The following PID1 variants were observed in gnomAD, a reference collection of about 807,000 sequenced individuals.
PID1 encodes the protein phosphotyrosine interaction domain containing 1.
In PID1, 10 loss-of-function variants were observed where a neutral mutation model predicts 19.1. The observed-to-expected ratio is 0.52, with a 90% CI of 0.32 to 0.89. The LOEUF (loss-of-function observed/expected upper bound fraction) is 0.89. Among genes scored for constraint, PID1 ranks in the 40% least tolerant of loss-of-function variants. The pLI is 0.03. For missense variants in PID1, 248 were observed against 285.3 expected, an observed-to-expected ratio of 0.87 and a Z score of 0.94; for synonymous variants, 130 against 116.0, an observed-to-expected ratio of 1.12 and a Z score of -0.78.
At chr2:229,186,772 T>G (rs1355229615) in intron 1 of PID1, among the ~76,000 whole-genome samples, 1 of 152,240 alleles carries the variant, frequency 6.6e-6, no homozygotes, top group African/African-American at 2.4e-5. Context: ...TCATTACTTA[T>G]GCAAATTTCT....
In PID1 at chr2:229,176,663, T is replaced by C. The variant is rs902335730; in HGVS notation, c.31-20699A>G. Among the ~76,000 whole-genome samples, 8 of 152,346 alleles carry C rather than the reference T, an allele frequency of 5.3e-5. No individual in the cohort carries two copies. The South Asian group carries it at 1.7e-3, about 32-fold the overall frequency. On this transcript the variant is annotated intron_variant, in intron 1 of 2. Transcript: ENST00000392055. ...CCTTATCATGAAAAAGAAGACGGCA[T>C]TGTATAAGCCCTATGCTCCCAAATA...
intron 1 of PID1, among the ~76,000 whole-genome samples, chr2:229,231,033 T>C (rs1371960169): frequency 6.6e-6 from 1 of 152,106 alleles, no homozygotes; most frequent in Non-Finnish European, 1.5e-5. Flanking sequence ...TGTCCAGCCA[T>C]GAAGCAACCA....
chr2:229,044,693 T>C (rs1693838962), intron 2 of PID1, among the ~76,000 whole-genome samples: 2 of 152,270 alleles, frequency 1.3e-5, no homozygotes, highest in African/African-American at 4.8e-5. Flanking sequence ...CTCTGCCCCT[T>C]GGACTCAGGA....
At chr2:229,200,287 C>A (rs1691470884) in intron 1 of PID1, among the ~76,000 whole-genome samples, 2 of 152,002 alleles carry the variant, frequency 1.3e-5, no homozygotes, top group South Asian at 4.1e-4. Context: ...CCTCTCTATT[C>A]TTCAGAGGAG....
chr2:229,166,890 A>G (rs1690608073), intron 1 of PID1, among the ~76,000 whole-genome samples: 1 of 152,018 alleles, frequency 6.6e-6, no homozygotes. Context: ...TTCAGTAACA[A>G]TAAATAATGG....
chr2:229,178,468 GA>G (rs1339938500), intron 1 of PID1, among the ~76,000 whole-genome samples: 4 of 151,912 alleles, frequency 2.6e-5, no homozygotes, highest in Non-Finnish European at 5.9e-5. Context: ...TTTTTTTTAA[GA>G]AAAAGAAAAT....
At chr2:229,264,185 A>T (rs549611988) in intron 1 of PID1, among the ~76,000 whole-genome samples, 4 of 152,298 alleles carry the variant, frequency 2.6e-5, no homozygotes, top group African/African-American at 9.6e-5. Flanking sequence ...TTGGGAGCAA[A>T]CATGCATTTG....
intron 2 of PID1, among the ~76,000 whole-genome samples, chr2:229,036,431 C>A (rs1241048049): frequency 6.6e-6 from 1 of 152,116 alleles, no homozygotes; most frequent in Non-Finnish European, 1.5e-5. Context: ...TGTCTTTTGG[C>A]AGATCTACTT....
chr2:229,047,123 C>T (rs998979571), intron 2 of PID1, among the ~76,000 whole-genome samples: 6 of 152,206 alleles, frequency 3.9e-5, no homozygotes, highest in African/African-American at 9.7e-5. Flanking sequence ...TCCTGTCTGC[C>T]GCTGCTCATG....
chr2:229,106,983 G>A (rs1425732399), intron 2 of PID1, among the ~76,000 whole-genome samples: 1 of 152,068 alleles, frequency 6.6e-6, no homozygotes, highest in Non-Finnish European at 1.5e-5. Context: ...CCTGGATTTA[G>A]GGTGGCTTCT....
At chr2:229,052,548 CT>C (rs11287338) in intron 2 of PID1, among the ~76,000 whole-genome samples, 78,956 of 150,422 alleles carry the variant, frequency 0.52, 21,307 homozygotes, top group East Asian at 0.67. Context: ...GCTTAGAGAG[CT>C]TTTTTTTTTC....
At chr2:229,102,777 C>G (rs553317388) in intron 2 of PID1, among the ~76,000 whole-genome samples, 6 of 152,282 alleles carry the variant, frequency 3.9e-5, no homozygotes, top group African/African-American at 1.4e-4. Context: ...CCAGAGTGGG[C>G]AGAGCCAGTC....
intron 2 of PID1, among the ~76,000 whole-genome samples, chr2:229,031,859 T>G (rs997061927): frequency 3.3e-5 from 5 of 152,212 alleles, no homozygotes; most frequent in Non-Finnish European, 7.3e-5. Flanking sequence ...GTCCACATAC[T>G]TCTTAATTCT....
chr2:229,249,759 G>A (rs1365850499), intron 1 of PID1, among the ~76,000 whole-genome samples: 1 of 152,196 alleles, frequency 6.6e-6, no homozygotes, highest in Non-Finnish European at 1.5e-5. Context: ...TATGACAGGA[G>A]TATGATCCCC....
chr2:229,205,600 A>T (rs1228649924), intron 1 of PID1, among the ~76,000 whole-genome samples: 1 of 152,096 alleles, frequency 6.6e-6, no homozygotes, highest in African/African-American at 2.4e-5. Flanking sequence ...CCCTAAAAAG[A>T]TATTCTTTCT....
At position 229,082,416 on chromosome 2, in the gene PID1, A is replaced by C. The variant is rs563950357; in HGVS notation, c.178-56308T>G. ...CTCCAGTGATTATGTTATATCACAC[A>C]GTGAAAGAGAGTTGCCAGTGTCATT... On this transcript the variant is annotated intron_variant, in intron 2 of 2. Coordinates refer to ENST00000392055, the MANE Select transcript of PID1 (RefSeq NM_001100818.2). 5.2e-5 allele frequency among the ~76,000 whole-genome samples: 8 copies of C among 152,382 alleles called. No homozygotes were observed. In the South Asian group the frequency reaches 1.0e-3, roughly 20 times the overall value.
chr2:229,034,787 T>C (rs1322571383), intron 2 of PID1, among the ~76,000 whole-genome samples: 1 of 151,998 alleles, frequency 6.6e-6, no homozygotes, highest in African/African-American at 2.4e-5. Context: ...AAGCAAAAAA[T>C]GAACTCACAT....
chr2:229,176,366 A>AG, intron 1 of PID1, among the ~76,000 whole-genome samples: 1 of 152,170 alleles, frequency 6.6e-6, no homozygotes, highest in Non-Finnish European at 1.5e-5. Context: ...GACTTTGCCC[A>AG]GGGGGCATAT....
intron 1 of PID1, among the ~76,000 whole-genome samples, chr2:229,198,557 C>T (rs577699353): frequency 6.6e-5 from 10 of 152,120 alleles, no homozygotes; most frequent in Middle Eastern, 3.4e-3. Context: ...ATTGATATGT[C>T]CCATATGGAA....
Sources: allele counts gnomAD v4.1 joint callset (sites outside exome capture counted in the v4.1 genomes callset), GRCh38; gene constraint gnomAD v4.1.1; transcripts MANE v1.5; gene names NCBI Gene and HGNC (gene_info 2026-07-23, HGNC 2026-07-21).